ERC2: variants seen among roughly 807,000 people sequenced by gnomAD.
The protein encoded by ERC2 is ERC protein 2.
A neutral mutation model predicts 114.8 loss-of-function variants in ERC2; 42 were observed. The ratio of observed to expected loss-of-function variants is 0.37; its 90% CI spans 0.29 to 0.47. ERC2 has a LOEUF of 0.47. ERC2 is among the 20% of genes least tolerant of loss of function. ERC2 has a pLI of 0.99. For synonymous variants in ERC2, 454 were observed against 425.5 expected, an observed-to-expected ratio of 1.07 and a Z score of -0.82; for missense variants, 939 against 1,150.7, an observed-to-expected ratio of 0.82 and a Z score of 2.66.
At chr3:56,419,767 G>T (rs1286463528) in intron 2 of ERC2, among the ~76,000 whole-genome samples, 1 of 152,174 alleles carries the variant, frequency 6.6e-6, no homozygotes, top group Non-Finnish European at 1.5e-5. Flanking sequence ...CTTCGAGTTT[G>T]CAGTAGGGAT....
intron 12 of ERC2, among the ~76,000 whole-genome samples, chr3:55,970,298 T>C (rs572581055): frequency 2.0e-5 from 3 of 152,128 alleles, no homozygotes; most frequent in East Asian, 3.9e-4. Context: ...TTACAACTTA[T>C]TAAAAAAATT....
intron 2 of ERC2, among the ~76,000 whole-genome samples, chr3:56,299,284 C>T (rs1020511912): frequency 2.6e-5 from 4 of 151,470 alleles, no homozygotes; most frequent in South Asian, 2.1e-4. Flanking sequence ...CCCGCCATCA[C>T]GCCCAGCTAA....
At chr3:55,697,910 A>G (rs2063018790) in intron 16 of ERC2, among the ~76,000 whole-genome samples, 1 of 152,060 alleles carries the variant, frequency 6.6e-6, no homozygotes, top group South Asian at 2.1e-4. Flanking sequence ...GGCAGGGACC[A>G]GGAATGAGAA....
At chr3:56,215,975 C>A (rs1191569454) in intron 3 of ERC2, among the ~76,000 whole-genome samples, 2 of 152,242 alleles carry the variant, frequency 1.3e-5, no homozygotes, top group East Asian at 3.9e-4. Flanking sequence ...ACCAGAATCT[C>A]TGGGACACAT....
At chr3:56,377,902 C>T (rs2059606025) in intron 2 of ERC2, among the ~76,000 whole-genome samples, 2 of 152,004 alleles carry the variant, frequency 1.3e-5, no homozygotes, top group Admixed American at 6.6e-5. Flanking sequence ...ATCGGAGCAT[C>T]CAACCTAGCA....
At chr3:56,214,214 G>A (rs995273746) in intron 3 of ERC2, among the ~76,000 whole-genome samples, 3 of 152,282 alleles carry the variant, frequency 2.0e-5, no homozygotes, top group Admixed American at 6.5e-5. Context: ...GAGGAAGTTC[G>A]AACCCATGGC....
chr3:56,254,943 A>C (rs547822208), intron 3 of ERC2, among the ~76,000 whole-genome samples: 1 of 152,262 alleles, frequency 6.6e-6, no homozygotes, highest in Admixed American at 6.5e-5. Flanking sequence ...CCGGTGAAAA[A>C]TTATTGTAGC....
chr3:56,171,848 T>TA lies in ERC2; in HGVS notation c.1149+1597_1149+1598insT, dbSNP rs1290381575. Among the ~76,000 whole-genome samples, 96 of 150,816 alleles carry TA rather than the reference T, an allele frequency of 6.4e-4. 1 individual carries two copies. Among genetic ancestry groups the TA allele is most frequent in the Non-Finnish European group, 1.3e-3 (86 of 67,706 alleles). On this transcript the variant is annotated intron_variant, in intron 4 of 17. Transcript: ENST00000288221. ...AAAGGCCTTGGAAACTCGCTCTTTT[T>TA]TTTTTTTTTCTTAAATGATAATTTG...
Position 55,733,542 on chromosome 3 carries a change from T to TCTCACACACACACA in ERC2, c.2712+1228_2712+1229insTGTGTGTGTGTGAG, listed in dbSNP as rs377515133. Among the ~76,000 whole-genome samples, 62 of 107,868 alleles carry TCTCACACACACACA rather than the reference T, an allele frequency of 5.7e-4. 2 individuals carry two copies. Among genetic ancestry groups the TCTCACACACACACA allele is most frequent in the Admixed American group, 4.3e-3 (45 of 10,378 alleles). The allele number at this position is 107,868 out of a possible 152,430, so 70.8% of individuals were successfully genotyped here. A position where few individuals can be genotyped will look rare whatever the true frequency, so the allele number is the denominator to read the frequency against. On this transcript the variant is annotated intron_variant, in intron 15 of 17. Coordinates refer to ENST00000288221, the MANE Select transcript of ERC2 (RefSeq NM_015576.3). ...CTGTCTCTCATTCTTTCTCTCTCTC[T>TCTCACACACACACA]CACACACACACACACACACACACAC...
intron 7 of ERC2, among the ~76,000 whole-genome samples, chr3:56,044,365 T>C (rs1384919068): frequency 6.6e-6 from 1 of 152,136 alleles, no homozygotes; most frequent in South Asian, 2.1e-4. Flanking sequence ...GAATTATTTA[T>C]GTATAGTCCT....
intron 7 of ERC2, among the ~76,000 whole-genome samples, chr3:56,064,287 C>T (rs2076371972): frequency 6.6e-6 from 1 of 152,214 alleles, no homozygotes; most frequent in African/African-American, 2.4e-5. Context: ...TGCCTCTATT[C>T]CTACCTTCCC....
intron 6 of ERC2, among the ~76,000 whole-genome samples, chr3:56,121,784 T>C (rs2079591048): frequency 6.6e-6 from 1 of 152,218 alleles, no homozygotes; most frequent in Non-Finnish European, 1.5e-5. Flanking sequence ...GGTGTTAATA[T>C]AAACATGGGC....
intron 7 of ERC2, among the ~76,000 whole-genome samples, chr3:56,041,202 G>GT (rs1162075415): frequency 6.6e-6 from 1 of 152,042 alleles, no homozygotes; most frequent in African/African-American, 2.4e-5. Flanking sequence ...AAGAGGTGGG[G>GT]TTTTTTTCCT....
intron 1 of ERC2, among the ~76,000 whole-genome samples, chr3:56,462,770 G>T (rs757995405): frequency 1.2e-4 from 19 of 152,184 alleles, no homozygotes; most frequent in Non-Finnish European, 1.9e-4. Context: ...ATGTATCAGT[G>T]AGGAGTATGT....
At chr3:56,395,977 C>G (rs1053461027) in intron 2 of ERC2, among the ~76,000 whole-genome samples, 10 of 152,072 alleles carry the variant, frequency 6.6e-5, no homozygotes, top group African/African-American at 2.4e-4. Flanking sequence ...AGCTAAAAAG[C>G]TTGCAAAAAA....
At position 56,452,926 on chromosome 3, in the gene ERC2, G is replaced by A. The variant is rs116787074; in HGVS notation, c.-141+15322C>T. Among the ~76,000 whole-genome samples, 3 of 152,206 alleles carry A rather than the reference G, an allele frequency of 2.0e-5. No individual in the cohort carries two copies. The East Asian group carries it at 5.8e-4, about 29-fold the overall frequency. On this transcript the variant is annotated intron_variant, in intron 1 of 17. Transcript: ENST00000288221. ...TCATCATCATCAATATTGACCACAGGCTCATTGTGTTGTTTTCTTACATTA... is the reference window on the plus strand; with the variant it reads ...TCATCATCATCAATATTGACCACAGACTCATTGTGTTGTTTTCTTACATTA...
At chr3:55,583,544 T>TCTTCCTTCCTTCCTTCCTTCCTTC (rs377125700) in intron 17 of ERC2, among the ~76,000 whole-genome samples, 1 of 39,028 alleles carries the variant, frequency 2.6e-5, no homozygotes, top group Non-Finnish European at 4.6e-5. Context: ...TTCCTTCCTT[T>TCTTCCTTCCTTCCTTCCTTCCTTC]CTTCCTTCCT....
At chr3:56,048,668 T>C (rs954626588) in intron 7 of ERC2, among the ~76,000 whole-genome samples, 1 of 152,210 alleles carries the variant, frequency 6.6e-6, no homozygotes, top group Non-Finnish European at 1.5e-5. Flanking sequence ...TGTTTTTTGA[T>C]TCATTCAGTA....
rs58311179 is a variant in ERC2 at position 55,733,542 on chromosome 3, T to TCACACACACACACA, written c.2712+1215_2712+1228dup. Among the ~76,000 whole-genome samples the TCACACACACACACA allele has an allele frequency of 5.7e-4, 61 of 107,876 alleles. 3 individuals are homozygous for TCACACACACACACA. The highest frequency in any genetic ancestry group is 9.5e-4 in the African/African-American group (26 of 27,396). 70.8% of individuals were successfully genotyped at this position (107,876 alleles called of 152,430 possible). ...CTGTCTCTCATTCTTTCTCTCTCTC[T>TCACACACACACACA]CACACACACACACACACACACACAC... On this transcript the variant is annotated intron_variant, in intron 15 of 17. Coordinates refer to ENST00000288221, the MANE Select transcript of ERC2 (RefSeq NM_015576.3).
Sources: allele counts gnomAD v4.1 joint callset (sites outside exome capture counted in the v4.1 genomes callset), GRCh38; gene constraint gnomAD v4.1.1; transcripts MANE v1.5; gene names NCBI Gene and HGNC (gene_info 2026-07-23, HGNC 2026-07-21).